Variants in ATXN10 observed in about 807,000 individuals in gnomAD.
ATXN10 encodes ataxin 10.
In ATXN10, 28 loss-of-function variants were observed where a neutral mutation model predicts 52.9. That is an observed-to-expected ratio of 0.53 (90% confidence interval 0.39 to 0.73). ATXN10 has a LOEUF of 0.73. Ranked by LOEUF, ATXN10 falls within the 30% of genes least tolerant of loss-of-function variation. The probability of loss-of-function intolerance (pLI) is 0.00; values close to 1 mark genes in which losing one functional copy is unlikely to be tolerated. For synonymous variants in ATXN10, 226 were observed against 221.5 expected (o/e 1.02, Z -0.18); for missense variants, 565 against 577.0 (o/e 0.98, Z 0.21).
At chr22:45,740,731 CACACACACGTGTGTGTGTGTGTGTATAT>C (rs1569044524) in intron 9 of ATXN10, 193 bp downstream of exon 9, 1 of 395,172 alleles carries the variant, frequency 2.5e-6, no homozygotes, top group Non-Finnish European at 4.5e-6. Context: ...TATATATACA[CACACACACGTGTGTGTGTGTGTGTATAT>C]ATATATATGT....
chr22:45,748,042 T>G (rs1006371182), intron 9 of ATXN10, among the ~76,000 whole-genome samples: 5 of 151,906 alleles, frequency 3.3e-5, no homozygotes, highest in Non-Finnish European at 5.9e-5. Flanking sequence ...CTAAAAAAAT[T>G]AAAAAATTAG....
intron 10 of ATXN10, among the ~76,000 whole-genome samples, chr22:45,831,810 C>T (rs961827265): frequency 2.6e-5 from 4 of 152,148 alleles, no homozygotes; most frequent in South Asian, 2.1e-4. Flanking sequence ...CCCTCATTGG[C>T]GAAAGGATGT....
intron 9 of ATXN10, chr22:45,792,799 C>A: frequency 1.9e-6 from 1 of 519,106 alleles, no homozygotes. Context: ...TTTGTGACAT[C>A]ATTCTGTACT....
intron 9 of ATXN10, among the ~76,000 whole-genome samples, chr22:45,777,199 A>G (rs1926989341): frequency 6.6e-6 from 1 of 152,140 alleles, no homozygotes; most frequent in African/African-American, 2.4e-5. Context: ...TTTGTTACAC[A>G]CTGAATAGCC....
rs140597676 is a variant in ATXN10 at position 45,694,670 on chromosome 22, T to A, written c.391+1592T>A. 7.4e-3 allele frequency among the ~76,000 whole-genome samples: 1,132 copies of A among 152,018 alleles called. 18 individuals are homozygous for A. Among genetic ancestry groups the A allele is most frequent in the African/African-American group, 0.026 (1,069 of 41,430 alleles). The stretch of plus-strand genomic sequence containing the variant: ...GATGGCGCATGCTTGTGATCCCAGC[T>A]ACTCAGGAGGCTGAGGCAGGAGAGT... On this transcript the variant is annotated intron_variant, in intron 3 of 11. Transcript: ENST00000252934.
At chr22:45,765,165 G>A (rs571963367) in intron 9 of ATXN10, among the ~76,000 whole-genome samples, 2 of 152,186 alleles carry the variant, frequency 1.3e-5, no homozygotes, top group African/African-American at 4.8e-5. Flanking sequence ...CCCTCTCATC[G>A]CGGGGCCAGT....
chr22:45,687,105 G>A (rs940849885), intron 1 of ATXN10, among the ~76,000 whole-genome samples: 8 of 152,178 alleles, frequency 5.3e-5, no homozygotes, highest in Non-Finnish European at 2.9e-5. Context: ...TTTCAGGAAT[G>A]TTTTGGTTGG....
rs1928753902 is a variant in ATXN10 at position 45,824,453 on chromosome 22, C to G, written c.1237+17431C>G. Among the ~76,000 whole-genome samples, 1 of 152,194 alleles carries G rather than the reference C, an allele frequency of 6.6e-6. No homozygotes were observed. Among genetic ancestry groups the G allele is most frequent in the South Asian group, 2.1e-4 (1 of 4,824 alleles). ...TCTGCATCTAACTCTCCTCAAGGCA[C>G]TAAATTGATATTTAGAGTAAACATA... On this transcript the variant is annotated intron_variant, in intron 10 of 11. Transcript: ENST00000252934. The surrounding 1 kb of genome is among the most constrained non-coding windows in gnomAD (Gnocchi z 5.2).
In ATXN10 at chr22:45,838,574, A is replaced by G. The variant is rs142902021; in HGVS notation, c.1238-4417A>G. On this transcript the variant is annotated intron_variant, in intron 10 of 11. Transcript: ENST00000252934. ...GATTAGAGACTTTAGAAGATGTTTAATTTTCTCCCCTACTCTTTCTTTCTC... is the reference window on the plus strand; with the variant it reads ...GATTAGAGACTTTAGAAGATGTTTAGTTTTCTCCCCTACTCTTTCTTTCTC... Among the ~76,000 whole-genome samples, 201 of 152,248 alleles carry G rather than the reference A, an allele frequency of 1.3e-3. 1 individual carries two copies. The highest frequency in any genetic ancestry group is 4.7e-3 in the African/African-American group (196 of 41,552).
rs1333562525 is a variant in ATXN10, at chr22:45,825,944, C to G, written c.1238-17047C>G. On this transcript the variant is annotated intron_variant, in intron 10 of 11. Transcript: ENST00000252934. The surrounding 1 kb of genome is among the most constrained non-coding windows in gnomAD (Gnocchi z 4.5). ...AGGCGTGGTGGTGTGCACCTGTAGT[C>G]CCAGCTACTTGGGAGGCTGAGGTGG... is the stretch of plus-strand genomic sequence containing the variant. Among the ~76,000 whole-genome samples the G allele has an allele frequency of 1.6e-4, 24 of 152,072 alleles. No homozygotes were observed. The highest frequency in any genetic ancestry group is 1.6e-3 in the Admixed American group (24 of 15,270).
intron 3 of ATXN10, among the ~76,000 whole-genome samples, chr22:45,695,594 A>G (rs1486632917): frequency 1.3e-5 from 2 of 151,528 alleles, no homozygotes; most frequent in African/African-American, 4.8e-5. Context: ...GCCGGGTTCA[A>G]GCGATTCTCC....
chr22:45,724,302 C>G (rs1314138250), intron 6 of ATXN10, among the ~76,000 whole-genome samples: 1 of 152,078 alleles, frequency 6.6e-6, no homozygotes, highest in Non-Finnish European at 1.5e-5. Context: ...ATATGCGTTC[C>G]TTTTTCACTA....
rs1217757754 is a variant in ATXN10 at position 45,712,299 on chromosome 22, CA to C, written c.648-6113del. ...AGGAAGGAAAAAAGGGGATGCTGAA[CA>C]GGGGAAAAAGTGGCAGATATCCACA... On this transcript the variant is annotated intron_variant, in intron 5 of 11. Transcript: ENST00000252934. This position sits in a 1 kb window ranked among gnomAD's most constrained non-coding sequence, Gnocchi z 4.6. 6.6e-6 allele frequency among the ~76,000 whole-genome samples: 1 copy of C among 152,124 alleles called. No individual in the cohort carries two copies. The highest frequency in any genetic ancestry group is 2.4e-5 in the African/African-American group (1 of 41,428).
At position 45,780,379 on chromosome 22, in the gene ATXN10, C is replaced by T. The variant is rs888944346; in HGVS notation, c.1174-26580C>T. Among the ~76,000 whole-genome samples, 2 of 152,334 alleles carry T rather than the reference C, an allele frequency of 1.3e-5. No homozygotes were observed. The highest frequency in any genetic ancestry group is 1.5e-5 in the Non-Finnish European group (1 of 68,018). On this transcript the variant is annotated intron_variant, in intron 9 of 11. Transcript: ENST00000252934. This position sits in a 1 kb window ranked among gnomAD's most constrained non-coding sequence, Gnocchi z 4.0. Reference sequence around the variant, plus strand: ...GATTACAGGCATGAGCCACTGTGCCCGTCGGACTGTTTGCTCTCATGAGAG... The same window carrying T: ...GATTACAGGCATGAGCCACTGTGCCTGTCGGACTGTTTGCTCTCATGAGAG...
chr22:45,759,675 A>T lies in ATXN10; in HGVS notation c.1173+19137A>T, dbSNP rs1180191888. Among the ~76,000 whole-genome samples the T allele has an allele frequency of 6.6e-6, 1 of 152,116 alleles. No individual in the cohort carries two copies. Among genetic ancestry groups the T allele is most frequent in the Non-Finnish European group, 1.5e-5 (1 of 68,028 alleles). On this transcript the variant is annotated intron_variant, in intron 9 of 11. Transcript: ENST00000252934. The surrounding 1 kb of genome is among the most constrained non-coding windows in gnomAD (Gnocchi z 5.4). The stretch of plus-strand genomic sequence containing the variant: ...AGAGGCCAGTTTACCAAGCTGCATC[A>T]GCTCCTCCCTCCCAGCCACCCTGCC...
intron 9 of ATXN10, among the ~76,000 whole-genome samples, chr22:45,791,950 A>G (rs763894118): frequency 7.9e-5 from 12 of 152,182 alleles, no homozygotes; most frequent in Non-Finnish European, 1.3e-4. Flanking sequence ...TAGTATCTTT[A>G]AAAATTTTTG....
chr22:45,799,344 T>A (rs1927857035), intron 9 of ATXN10, among the ~76,000 whole-genome samples: 1 of 152,212 alleles, frequency 6.6e-6, no homozygotes, highest in South Asian at 2.1e-4. Context: ...ATTCATATGT[T>A]GAATTGCTAA....
chr22:45,707,979 C>T (rs1924106297), intron 5 of ATXN10, among the ~76,000 whole-genome samples: 1 of 152,138 alleles, frequency 6.6e-6, no homozygotes, highest in South Asian at 2.1e-4. Context: ...ACTACATGGT[C>T]TTAGAATTCA....
chr22:45,794,931 A>C (rs1311316678), intron 9 of ATXN10, among the ~76,000 whole-genome samples: 1 of 152,224 alleles, frequency 6.6e-6, no homozygotes, highest in Non-Finnish European at 1.5e-5. Context: ...TTTCTTTGAA[A>C]TGTAATTGGC....
Sources: allele counts gnomAD v4.1 joint callset (sites outside exome capture counted in the v4.1 genomes callset), GRCh38; gene constraint gnomAD v4.1.1; non-coding constraint Gnocchi (gnomAD v3.1); transcripts MANE v1.5; gene names NCBI Gene and HGNC (gene_info 2026-07-23, HGNC 2026-07-21).